The following ABCC2 variants were observed in gnomAD, a reference collection of about 807,000 sequenced individuals.
ABCC2 encodes the protein ATP binding cassette subfamily C member 2, also known as ATP-binding cassette sub-family C member 2.
A neutral mutation model predicts 173.4 loss-of-function variants in ABCC2; 157 were observed. That is an observed-to-expected ratio of 0.91 (90% confidence interval 0.80 to 1.03). The LOEUF (loss-of-function observed/expected upper bound fraction) is 1.03. ABCC2 is among the 50% of genes least tolerant of loss of function. The pLI, the probability that ABCC2 is intolerant of heterozygous loss-of-function variation, is 0.00. For missense variants in ABCC2, 1,822 were observed against 1,852.3 expected (o/e 0.98, Z 0.30); for synonymous variants, 657 against 693.5 (o/e 0.95, Z 0.83).
intron 11 of ABCC2, among the ~76,000 whole-genome samples, chr10:99,806,073 C>CTCTCTCTGTGTGTG (rs779146023): frequency 3.7e-4 from 16 of 42,910 alleles, no homozygotes; most frequent in Non-Finnish European, 6.8e-4. Context: ...CTCTCTCTCT[C>CTCTCTCTGTGTGTG]TGTCTGTGTG....
rs1158088235 is a variant in ABCC2, at chr10:99,836,010, C to G, written c.3415-81C>G. On this transcript the variant is annotated intron_variant, in intron 24 of 31. Coordinates refer to ENST00000647814, the MANE Select transcript of ABCC2 (RefSeq NM_000392.5). ...GCTGTGCCCATCAAGGGGAAGAATGCTGGGTTGTGGCCAGAAAGGAGGAAG... is the reference window on the plus strand; with the variant it reads ...GCTGTGCCCATCAAGGGGAAGAATGGTGGGTTGTGGCCAGAAAGGAGGAAG... 6 of 1,401,882 alleles carry G rather than the reference C, an allele frequency of 4.3e-6. No individual in the cohort carries two copies. The Admixed American group carries it at 8.6e-5, about 20-fold the overall frequency. The allele number at this position is 1,401,882 out of a possible 1,614,324, so 86.8% of individuals were successfully genotyped here. A position where few individuals can be genotyped will look rare whatever the true frequency, so the allele number is the denominator to read the frequency against.
Position 99,792,239 on chromosome 10 carries a change from C to G in ABCC2, c.213C>G (p.Phe71Leu), listed in dbSNP as rs770824435. 1 of 1,613,928 alleles carries G rather than the reference C, an allele frequency of 6.2e-7. No homozygotes were observed. Among genetic ancestry groups the G allele is most frequent in the Non-Finnish European group, 8.5e-7 (1 of 1,179,916 alleles). ...TTKLYLAKQVFVGFLLILAAI... is the reference protein window; with the variant it reads ...TTKLYLAKQVLVGFLLILAAI... ...TGGTCTTTTTCCCTTCTCAGGTATT[C>G]GTTGGTTTTCTTCTTATTCTAGCAG... Residue 71 changes from phenylalanine to leucine, a missense_variant, in exon 3 of 32, where the codon TTC (phenylalanine) becomes TTG (leucine). Phe to Leu is a conservative substitution (Grantham distance 22, BLOSUM62 0). Transcript: ENST00000647814.
chr10:99,795,779 GAAAGAAAGAAAGAAAGAAAGAA>G (rs1564672444), intron 6 of ABCC2, among the ~76,000 whole-genome samples: 65 of 146,926 alleles, frequency 4.4e-4, no homozygotes, highest in South Asian at 1.5e-3. Context: ...AAGAAAGAAA[GAAAGAAAGAAAGAAAGAAAGAA>G]AGATTTCTAA....
intron 28 of ABCC2, among the ~76,000 whole-genome samples, chr10:99,845,033 T>C (rs1020272299): frequency 4.6e-5 from 7 of 152,068 alleles, no homozygotes; most frequent in Non-Finnish European, 7.4e-5. Context: ...TTTTATTTAT[T>C]TATTTATTTA....
At chr10:99,849,846 G>A (rs184982981) in intron 30 of ABCC2, among the ~76,000 whole-genome samples, 8 of 152,314 alleles carry the variant, frequency 5.3e-5, no homozygotes, top group East Asian at 3.9e-4. Context: ...GCAGGAAAGA[G>A]CAATTAGCAA....
In ABCC2 at chr10:99,819,154, G is replaced by T; in HGVS notation, c.2505G>T (p.Gly835=). The T allele has an allele frequency of 1.9e-6, 3 of 1,614,144 alleles. No homozygotes were observed. Among genetic ancestry groups the T allele is most frequent in the Non-Finnish European group, 2.5e-6 (3 of 1,180,026 alleles). ...LPQVDEIVVL[G]NGTIVEKGSY... The stretch of plus-strand genomic sequence containing the variant: ...AAGTGGATGAGATTGTAGTTCTGGG[G>T]AATGGAACAATTGTAGAGAAAGGAT... The change falls in exon 19 of 32, where the codon GGG becomes GGT. Residue 835 remains glycine, a synonymous_variant. Coordinates refer to ENST00000647814, the MANE Select transcript of ABCC2 (RefSeq NM_000392.5).
intron 12 of ABCC2, 138 bp downstream of exon 12, chr10:99,807,659 G>T: frequency 8.1e-7 from 1 of 1,230,318 alleles, no homozygotes; most frequent in Non-Finnish European, 1.2e-6. Flanking sequence ...CCCTCTCACC[G>T]CCCCATGCCA....
At chr10:99,812,868 C>T in intron 15 of ABCC2, 150 bp from the exon 16 acceptor site, 2 of 945,178 alleles carry the variant, frequency 2.1e-6, no homozygotes, top group Non-Finnish European at 3.4e-6. Context: ...TAAAGAAGCA[C>T]TTTGGGGTCT....
At chr10:99,819,559 G>A (rs1296183407) in intron 19 of ABCC2, among the ~76,000 whole-genome samples, 2 of 152,152 alleles carry the variant, frequency 1.3e-5, no homozygotes, top group Admixed American at 1.3e-4. Flanking sequence ...AACCCTTGTG[G>A]AAGAAACACC....
chr10:99,816,379 G>A (rs918588295), intron 16 of ABCC2, among the ~76,000 whole-genome samples: 18 of 151,856 alleles, frequency 1.2e-4, no homozygotes, highest in Non-Finnish European at 1.9e-4. Context: ...TGCCTCCTGG[G>A]TTCAAGCGAT....
rs1564683166 is a variant in ABCC2 at position 99,814,144 on chromosome 10, C to CGTATATAT, written c.2094+1000_2094+1001insGTATATAT. On this transcript the variant is annotated intron_variant, in intron 16 of 31. Transcript: ENST00000647814. Reference sequence around the variant, plus strand: ...ACACACATATGTGTGTATATATACACACATGTATGTATACACACGTATATA... The same window carrying CGTATATAT: ...ACACACATATGTGTGTATATATACACGTATATATACATGTATGTATACACACGTATATA... Among the ~76,000 whole-genome samples the CGTATATAT allele has an allele frequency of 5.0e-4, 16 of 32,286 alleles. 2 individuals carry two copies. Among genetic ancestry groups the CGTATATAT allele is most frequent in the African/African-American group, 8.8e-4 (7 of 7,986 alleles). 21.2% of individuals were successfully genotyped at this position (32,286 alleles called of 152,430 possible).
intron 13 of ABCC2, among the ~76,000 whole-genome samples, chr10:99,809,095 G>A (rs1278896422): frequency 6.6e-6 from 1 of 152,200 alleles, no homozygotes; most frequent in Non-Finnish European, 1.5e-5. Context: ...GCTCACACCT[G>A]TAATCCCAAC....
intron 19 of ABCC2, among the ~76,000 whole-genome samples, chr10:99,819,695 G>A (rs1590172323): frequency 6.6e-6 from 1 of 152,206 alleles, no homozygotes; most frequent in South Asian, 2.1e-4. Context: ...GGCACTATTA[G>A]TGTACTGCTA....
intron 16 of ABCC2, among the ~76,000 whole-genome samples, chr10:99,814,392 T>C (rs1176681726): frequency 7.1e-6 from 1 of 141,242 alleles, no homozygotes; most frequent in Non-Finnish European, 1.6e-5. Flanking sequence ...TATACATATA[T>C]GGGTATATAT....
At chr10:99,829,589 T>G (rs778662270) in intron 19 of ABCC2, among the ~76,000 whole-genome samples, 68 of 152,232 alleles carry the variant, frequency 4.5e-4, no homozygotes, top group Non-Finnish European at 8.7e-4. Flanking sequence ...TTTAAGTGAT[T>G]TAAATTAATA....
At chr10:99,817,550 G>A in intron 17 of ABCC2, 66 bp downstream of exon 17, 2 of 1,546,164 alleles carry the variant, frequency 1.3e-6, no homozygotes, top group Admixed American at 1.7e-5. Context: ...GAGGATGGTG[G>A]TGAAGAACTA....
rs576920139 is a variant in ABCC2 at position 99,805,141 on chromosome 10, T to A, written c.1465-241T>A. Among the ~76,000 whole-genome samples, 260 of 152,084 alleles carry A rather than the reference T, an allele frequency of 1.7e-3. 1 individual carries two copies. Among genetic ancestry groups the A allele is most frequent in the Middle Eastern group, 0.01 (3 of 294 alleles). ...AGAACAGCCTGGGAGGTGGGTACAG[T>A]CAGGCAAGGGCTATGGGACAGAAAC... On this transcript the variant is annotated intron_variant, in intron 10 of 31. Coordinates refer to ENST00000647814, the MANE Select transcript of ABCC2 (RefSeq NM_000392.5).
chr10:99,832,257 G>A, intron 23 of ABCC2, 126 bp downstream of exon 23: 2 of 1,266,882 alleles, frequency 1.6e-6, no homozygotes, highest in South Asian at 1.3e-5. Context: ...CAACATGCAA[G>A]TGTTTCTTGA....
At chr10:99,822,776 T>A (rs1416820181) in intron 19 of ABCC2, among the ~76,000 whole-genome samples, 2 of 152,244 alleles carry the variant, frequency 1.3e-5, no homozygotes, top group Non-Finnish European at 2.9e-5. Flanking sequence ...TGCTTCTTTT[T>A]GTTTAACTAA....
Sources: allele counts gnomAD v4.1 joint callset (sites outside exome capture counted in the v4.1 genomes callset), GRCh38; gene constraint gnomAD v4.1.1; transcripts MANE v1.5; gene names NCBI Gene and HGNC (gene_info 2026-07-23, HGNC 2026-07-21).